The following CNTN4 variants were observed in gnomAD, a reference collection of about 807,000 sequenced individuals.
CNTN4 encodes the protein contactin-4.
A neutral mutation model predicts 122.5 loss-of-function variants in CNTN4; 77 were observed. The ratio of observed to expected loss-of-function variants is 0.63; its 90% CI spans 0.52 to 0.76. The LOEUF (loss-of-function observed/expected upper bound fraction) is 0.76. Among genes scored for constraint, CNTN4 ranks in the 30% least tolerant of loss-of-function variants. The pLI is 0.00. For synonymous variants in CNTN4, 512 were observed against 447.0 expected, an observed-to-expected ratio of 1.15 and a Z score of -1.83; for missense variants, 1,256 against 1,259.1, an observed-to-expected ratio of 1.00 and a Z score of 0.04.
intron 2 of CNTN4, among the ~76,000 whole-genome samples, chr3:2,270,877 C>G (rs2041266393): frequency 1.3e-5 from 2 of 152,108 alleles, no homozygotes; most frequent in African/African-American, 4.8e-5. Context: ...AATCAATAAT[C>G]ATTACCTATG....
intron 6 of CNTN4, among the ~76,000 whole-genome samples, chr3:2,778,192 C>T (rs1026843650): frequency 1.2e-4 from 13 of 112,320 alleles, no homozygotes; most frequent in African/African-American, 1.6e-4. Flanking sequence ...CCAGCCTGGG[C>T]GACAGAGCGA....
intron 4 of CNTN4, among the ~76,000 whole-genome samples, chr3:2,599,269 G>A (rs1318304629): frequency 1.3e-5 from 2 of 152,184 alleles, no homozygotes; most frequent in African/African-American, 4.8e-5. Flanking sequence ...TGATGAAACT[G>A]AGGCTTATAG....
chr3:2,173,640 G>GA (rs1272216649), intron 2 of CNTN4, among the ~76,000 whole-genome samples: 2 of 152,104 alleles, frequency 1.3e-5, no homozygotes, highest in Non-Finnish European at 2.9e-5. Context: ...ATGATGTAGA[G>GA]AAAATCTTTC....
At chr3:2,673,083 C>T (rs192215724) in intron 4 of CNTN4, among the ~76,000 whole-genome samples, 1 of 152,228 alleles carries the variant, frequency 6.6e-6, no homozygotes, top group Admixed American at 6.5e-5. Flanking sequence ...TTGTTTTTCT[C>T]TCCGGTCAAT....
chr3:2,223,828 A>T (rs2039156816), intron 2 of CNTN4, among the ~76,000 whole-genome samples: 1 of 152,154 alleles, frequency 6.6e-6, no homozygotes, highest in Non-Finnish European at 1.5e-5. Flanking sequence ...CAGAGAAAAA[A>T]ACCCTAATTA....
At chr3:2,869,317 T>G (rs554680086) in intron 8 of CNTN4, among the ~76,000 whole-genome samples, 3 of 151,676 alleles carry the variant, frequency 2.0e-5, no homozygotes, top group Non-Finnish European at 1.5e-5. Context: ...TGGGAAATGA[T>G]GGGGGGTGAA....
chr3:2,255,571 G>A (rs1387807778), intron 2 of CNTN4, among the ~76,000 whole-genome samples: 1 of 152,108 alleles, frequency 6.6e-6, no homozygotes, highest in Admixed American at 6.6e-5. Context: ...CAAAAGAACA[G>A]AAATATGACA....
chr3:2,352,374 G>A (rs775164331), intron 3 of CNTN4, among the ~76,000 whole-genome samples: 38 of 152,188 alleles, frequency 2.5e-4, no homozygotes, highest in Admixed American at 1.8e-3. Context: ...GGCTCCCTCT[G>A]CTTGTGGGGA....
intron 3 of CNTN4, among the ~76,000 whole-genome samples, chr3:2,363,532 A>T (rs946287159): frequency 6.6e-6 from 1 of 152,204 alleles, no homozygotes; most frequent in African/African-American, 2.4e-5. Flanking sequence ...TATAACAACC[A>T]TGTGAGGTAG....
chr3:2,426,132 C>G (rs1040417600), intron 3 of CNTN4, among the ~76,000 whole-genome samples: 2 of 152,288 alleles, frequency 1.3e-5, no homozygotes, highest in African/African-American at 4.8e-5. Flanking sequence ...GAGAGGGCAT[C>G]CCTGTCTTGT....
intron 7 of CNTN4, 196 bp from the exon 8 acceptor site, chr3:2,866,556 A>G (rs1283091872): frequency 6.4e-6 from 8 of 1,244,064 alleles, no homozygotes; most frequent in Non-Finnish European, 8.6e-6. Flanking sequence ...TGGAAATAAA[A>G]CCTTATTGAC....
At chr3:2,263,399 C>G (rs1371619034) in intron 2 of CNTN4, among the ~76,000 whole-genome samples, 1 of 152,002 alleles carries the variant, frequency 6.6e-6, no homozygotes, top group Non-Finnish European at 1.5e-5. Flanking sequence ...CATTTTAAAA[C>G]AAATGCACCC....
At chr3:2,787,161 G>A (rs964848562) in intron 6 of CNTN4, among the ~76,000 whole-genome samples, 17 of 152,128 alleles carry the variant, frequency 1.1e-4, no homozygotes, top group Non-Finnish European at 2.2e-4. Flanking sequence ...TGGATCACCT[G>A]AGGTCAGGAG....
At chr3:2,786,351 G>A (rs1029907297) in intron 6 of CNTN4, among the ~76,000 whole-genome samples, 2 of 152,190 alleles carry the variant, frequency 1.3e-5, no homozygotes, top group Non-Finnish European at 2.9e-5. Context: ...GGGCTCCGGG[G>A]CCACAGGCAA....
At chr3:2,459,604 T>C (rs2049128342) in intron 3 of CNTN4, among the ~76,000 whole-genome samples, 1 of 152,146 alleles carries the variant, frequency 6.6e-6, no homozygotes, top group African/African-American at 2.4e-5. Context: ...GGTCTTGCCC[T>C]TTAGATATAC....
At chr3:2,690,055 T>C (rs145952979) in intron 4 of CNTN4, among the ~76,000 whole-genome samples, 313 of 152,292 alleles carry the variant, frequency 2.1e-3, no homozygotes, top group African/African-American at 7.1e-3. Context: ...CATACCAGCC[T>C]ATGAGGTCCA....
intron 13 of CNTN4, among the ~76,000 whole-genome samples, chr3:2,928,531 T>G (rs2094493587): frequency 2.0e-5 from 3 of 152,242 alleles, no homozygotes; most frequent in Non-Finnish European, 4.4e-5. Flanking sequence ...CTACACAGCT[T>G]TGAGTAATAA....
intron 7 of CNTN4, among the ~76,000 whole-genome samples, chr3:2,848,820 G>A (rs1347401436): frequency 6.6e-6 from 1 of 152,212 alleles, no homozygotes; most frequent in Non-Finnish European, 1.5e-5. Flanking sequence ...ATTATGGTGA[G>A]TGGAGGATAT....
At chr3:2,650,169 T>C (rs2083300715) in intron 4 of CNTN4, among the ~76,000 whole-genome samples, 1 of 151,628 alleles carries the variant, frequency 6.6e-6, no homozygotes, top group Non-Finnish European at 1.5e-5. Context: ...ACCAGGATTT[T>C]GGAAATTGAT....
Sources: allele counts gnomAD v4.1 joint callset (sites outside exome capture counted in the v4.1 genomes callset), GRCh38; gene constraint gnomAD v4.1.1; transcripts MANE v1.5; gene names NCBI Gene and HGNC (gene_info 2026-07-23, HGNC 2026-07-21).